The following FARSB variants were observed in gnomAD, a reference collection of about 807,000 sequenced individuals.
FARSB encodes the protein phenylalanine--tRNA ligase beta subunit.
Under a neutral mutation model 69.6 loss-of-function variants are expected in FARSB, and 40 were observed. That is an observed-to-expected ratio of 0.57 (90% CI 0.45 to 0.75). FARSB has a LOEUF of 0.75. FARSB is among the 30% of genes least tolerant of loss of function. The pLI is 0.00. For missense variants in FARSB, 632 were observed against 722.9 expected (o/e 0.87, Z 1.44); for synonymous variants, 235 against 247.2 (o/e 0.95, Z 0.46).
chr2:222,646,453 C>T (rs1173645480), intron 2 of FARSB, among the ~76,000 whole-genome samples: 3 of 152,112 alleles, frequency 2.0e-5, no homozygotes, highest in Non-Finnish European at 4.4e-5. Context: ...CTTGAAATCG[C>T]TTGATAATTT....
chr2:222,619,860 A>G, intron 13 of FARSB, 123 bp from the exon 14 acceptor site: 1 of 560,048 alleles, frequency 1.8e-6, no homozygotes, highest in Non-Finnish European at 3.3e-6. Context: ...CAGCAAGTTA[A>G]GAATAGGCCT....
chr2:222,628,426 C>T (rs555549030), intron 10 of FARSB, among the ~76,000 whole-genome samples: 1 of 152,048 alleles, frequency 6.6e-6, no homozygotes, highest in East Asian at 1.9e-4. Context: ...TAAATATGTA[C>T]AATTATTATG....
chr2:222,612,648 A>G (rs571075497), intron 15 of FARSB, among the ~76,000 whole-genome samples: 1 of 152,342 alleles, frequency 6.6e-6, no homozygotes, highest in African/African-American at 2.4e-5. Flanking sequence ...CTGCATAAAC[A>G]CTGCTAGTAA....
At chr2:222,596,051 C>G (rs1690405816) in intron 16 of FARSB, among the ~76,000 whole-genome samples, 1 of 152,036 alleles carries the variant, frequency 6.6e-6, no homozygotes, top group Admixed American at 6.6e-5. Flanking sequence ...TTTTCCCACT[C>G]AACATTGATC....
At chr2:222,593,268 T>G (rs1262535917) in intron 16 of FARSB, among the ~76,000 whole-genome samples, 2 of 152,168 alleles carry the variant, frequency 1.3e-5, no homozygotes, top group Non-Finnish European at 2.9e-5. Flanking sequence ...GAGCCCTACT[T>G]GACAAAAACC....
At chr2:222,606,023 TA>T (rs1258818353) in intron 15 of FARSB, among the ~76,000 whole-genome samples, 1 of 152,210 alleles carries the variant, frequency 6.6e-6, no homozygotes, top group Non-Finnish European at 1.5e-5. Flanking sequence ...AATAATGAAC[TA>T]TATATTTTTA....
At chr2:222,579,042 T>C (rs16863911) in intron 16 of FARSB, among the ~76,000 whole-genome samples, 22,032 of 152,136 alleles carry the variant, frequency 0.14, 2,508 homozygotes, top group East Asian at 0.56. Context: ...CACCTCGCCT[T>C]CTATTCACTC....
At chr2:222,575,106 A>T (rs1689803541) in intron 16 of FARSB, among the ~76,000 whole-genome samples, 1 of 152,244 alleles carries the variant, frequency 6.6e-6, no homozygotes, top group African/African-American at 2.4e-5. Flanking sequence ...GGCAACCATT[A>T]GGCCCTAGAG....
At chr2:222,615,596 C>T (rs954710585) in intron 14 of FARSB, among the ~76,000 whole-genome samples, 3 of 152,218 alleles carry the variant, frequency 2.0e-5, no homozygotes, top group Admixed American at 1.3e-4. Context: ...TACATTCTTC[C>T]TCTAGGTTCA....
At chr2:222,624,684 CT>C (rs1322040258) in intron 11 of FARSB, 29 bp downstream of exon 11, 1 of 1,494,662 alleles carries the variant, frequency 6.7e-7, no homozygotes, top group Non-Finnish European at 9.2e-7. Context: ...GTACTTTGTT[CT>C]TGAATTAAGT....
At chr2:222,646,377 C>A (rs531754257) in intron 2 of FARSB, among the ~76,000 whole-genome samples, 2 of 152,282 alleles carry the variant, frequency 1.3e-5, no homozygotes, top group East Asian at 3.9e-4. Flanking sequence ...CCATATCGCA[C>A]AGTTTTTCTA....
Position 222,571,641 on chromosome 2 carries a change from G to C in FARSB, c.*230C>G. On this transcript the variant is annotated 3_prime_UTR_variant, in exon 17 of 17. Transcript: ENST00000281828. ...TAGTGCATTTCTCCAGCACTCCACGGGGCTTTTACCCAACAATGCAGCTTC... is the reference window on the plus strand; with the variant it reads ...TAGTGCATTTCTCCAGCACTCCACGCGGCTTTTACCCAACAATGCAGCTTC... 1 of 429,958 alleles carries C rather than the reference G, an allele frequency of 2.3e-6. No homozygotes were observed. Among genetic ancestry groups the C allele is most frequent in the Non-Finnish European group, 4.2e-6 (1 of 239,370 alleles). The allele number at this position is 429,958 out of a possible 1,614,324, so 26.6% of individuals were successfully genotyped here. A position where few individuals can be genotyped will look rare whatever the true frequency, so the allele number is the denominator to read the frequency against.
chr2:222,596,319 C>A (rs188220205), intron 16 of FARSB, among the ~76,000 whole-genome samples: 1 of 152,160 alleles, frequency 6.6e-6, no homozygotes, highest in African/African-American at 2.4e-5. Context: ...TTTCTTATAA[C>A]GCACGGAGCC....
rs868481320 is a variant in FARSB at position 222,599,785 on chromosome 2, C to T, written c.1618+143G>A. On this transcript the variant is annotated intron_variant, in intron 16 of 16. Coordinates refer to ENST00000281828, the MANE Select transcript of FARSB (RefSeq NM_005687.5). ...ATGCTGGAGGGAAAGGGGATATTTT[C>T]TGGATAATATTGACAATTAATTGAA... 4.4e-5 allele frequency: 29 copies of T among 657,620 alleles called. No homozygotes were observed. The South Asian group carries it at 6.1e-4, about 14-fold the overall frequency. 40.7% of individuals were successfully genotyped at this position (657,620 alleles called of 1,614,324 possible).
chr2:222,599,708 C>A (rs947924083), intron 16 of FARSB, among the ~76,000 whole-genome samples: 1 of 152,036 alleles, frequency 6.6e-6, no homozygotes, highest in Non-Finnish European at 1.5e-5. Flanking sequence ...TCAGTTGGAA[C>A]GAAAGTATAC....
At chr2:222,628,230 C>T (rs1691325975) in intron 10 of FARSB, among the ~76,000 whole-genome samples, 1 of 152,156 alleles carries the variant, frequency 6.6e-6, no homozygotes, top group Non-Finnish European at 1.5e-5. Context: ...TATTGTTCTA[C>T]AGCACTGTAG....
intron 5 of FARSB, among the ~76,000 whole-genome samples, chr2:222,638,712 C>G (rs1041504617): frequency 1.3e-5 from 2 of 152,186 alleles, no homozygotes; most frequent in Non-Finnish European, 2.9e-5. Flanking sequence ...CTAGGCTCTA[C>G]AGTTTACTAA....
At chr2:222,648,885 C>T in intron 1 of FARSB, 90 bp from the exon 2 acceptor site, 1 of 848,824 alleles carries the variant, frequency 1.2e-6, no homozygotes, top group Non-Finnish European at 2.1e-6. Context: ...TTACTAATTG[C>T]CTTACACCAA....
At chr2:222,629,368 G>A (rs1342977932) in intron 9 of FARSB, among the ~76,000 whole-genome samples, 2 of 152,288 alleles carry the variant, frequency 1.3e-5, no homozygotes, top group Admixed American at 6.5e-5. Flanking sequence ...CCACATAGAT[G>A]TGTTAAATAG....
Sources: allele counts gnomAD v4.1 joint callset (sites outside exome capture counted in the v4.1 genomes callset), GRCh38; gene constraint gnomAD v4.1.1; transcripts MANE v1.5; gene names NCBI Gene and HGNC (gene_info 2026-07-23, HGNC 2026-07-21).